MATN2: variants seen among roughly 807,000 people sequenced by gnomAD.
The protein encoded by MATN2 is matrilin-2.
In MATN2, 69 loss-of-function variants were observed where a neutral mutation model predicts 103.2. The ratio of observed to expected loss-of-function variants is 0.67; its 90% CI spans 0.55 to 0.82. MATN2 has a LOEUF of 0.82. MATN2 is among the 40% of genes least tolerant of loss of function. The probability of loss-of-function intolerance (pLI) is 0.00; values close to 1 mark genes in which losing one functional copy is unlikely to be tolerated. For missense variants in MATN2, 1,023 were observed against 1,211.5 expected, an observed-to-expected ratio of 0.84 and a Z score of 2.31; for synonymous variants, 429 against 450.2, an observed-to-expected ratio of 0.95 and a Z score of 0.60.
intron 4 of MATN2, among the ~76,000 whole-genome samples, chr8:97,957,919 G>C (rs2444878): frequency 0.55 from 82,930 of 151,916 alleles, 22,972 homozygotes; most frequent in East Asian, 0.77. Flanking sequence ...TTCAAAGGTC[G>C]CTGCTGCTTC....
intron 1 of MATN2, among the ~76,000 whole-genome samples, chr8:97,872,895 A>T (rs906172298): frequency 3.3e-5 from 5 of 151,654 alleles, no homozygotes; most frequent in African/African-American, 1.2e-4. Flanking sequence ...CCCAGGTTCA[A>T]GTGTTCTCCT....
chr8:98,030,171 C>T (rs1392241402), intron 14 of MATN2, among the ~76,000 whole-genome samples: 2 of 152,170 alleles, frequency 1.3e-5, no homozygotes, highest in Admixed American at 1.3e-4. Flanking sequence ...ATCCAGAAGG[C>T]TAATTCAGGG....
intron 1 of MATN2, among the ~76,000 whole-genome samples, chr8:97,879,963 A>G (rs1037326804): frequency 6.6e-6 from 1 of 152,174 alleles, no homozygotes; most frequent in African/African-American, 2.4e-5. Flanking sequence ...CCAGTATTGT[A>G]TGATTCTCTG....
intron 10 of MATN2, among the ~76,000 whole-genome samples, chr8:98,009,173 T>C (rs1388229382): frequency 6.6e-6 from 1 of 152,212 alleles, no homozygotes; most frequent in Admixed American, 6.5e-5. Context: ...TCAGGAACCG[T>C]ATAGGAGAGA....
chr8:97,971,035 T>G (rs966161289), intron 5 of MATN2, among the ~76,000 whole-genome samples: 5 of 149,878 alleles, frequency 3.3e-5, no homozygotes, highest in African/African-American at 9.8e-5. Context: ...TAGGGAGGAG[T>G]ATGGAAGAGG....
rs930744738 is a variant in MATN2 at position 97,966,392 on chromosome 8, CAA to C, written c.958+4868_958+4869del. ...GCAACAAAGCAAGACCCTATATCTA[CAA>C]AAAAATTAAGAAATTAGCTGGGTAT... is the stretch of plus-strand genomic sequence containing the variant. On this transcript the variant is annotated intron_variant, in intron 5 of 18. Transcript: ENST00000254898. Among the ~76,000 whole-genome samples, 16 of 151,004 alleles carry C rather than the reference CAA, an allele frequency of 1.1e-4. 1 individual carries two copies. In the South Asian group the frequency reaches 1.5e-3, roughly 14 times the overall value.
intron 5 of MATN2, among the ~76,000 whole-genome samples, chr8:97,971,176 G>T (rs1811642464): frequency 6.6e-6 from 1 of 152,084 alleles, no homozygotes; most frequent in African/African-American, 2.4e-5. Context: ...CTGACGGTTT[G>T]GTTCTTGAGA....
intron 6 of MATN2, among the ~76,000 whole-genome samples, chr8:97,994,153 G>C (rs900673817): frequency 3.0e-5 from 4 of 134,324 alleles, no homozygotes; most frequent in Non-Finnish European, 6.2e-5. Context: ...AGGAAAGAAA[G>C]AAAGAAAAGA....
intron 15 of MATN2, chr8:98,031,643 A>C (rs1185892903): frequency 6.6e-6 from 1 of 152,286 alleles, no homozygotes; most frequent in African/African-American, 2.4e-5. Flanking sequence ...ACTTGTTTAC[A>C]GAATATCAGA....
chr8:97,888,398 G>C (rs118059924), intron 2 of MATN2, among the ~76,000 whole-genome samples, 156 bp downstream of exon 2: 1 of 152,142 alleles, frequency 6.6e-6, no homozygotes, highest in Non-Finnish European at 1.5e-5. Context: ...GAATGCATCC[G>C]GAGTTGAGCA....
chr8:97,905,819 C>T (rs116397743), intron 2 of MATN2, among the ~76,000 whole-genome samples: 2,323 of 152,224 alleles, frequency 0.015, 65 homozygotes, highest in African/African-American at 0.053. Flanking sequence ...CACACCATGC[C>T]TGGCTAATTT....
chr8:97,969,667 G>A (rs941407414), intron 5 of MATN2, among the ~76,000 whole-genome samples: 1 of 152,194 alleles, frequency 6.6e-6, no homozygotes, highest in Non-Finnish European at 1.5e-5. Flanking sequence ...TCTTGGCCAG[G>A]TCAATATTAA....
At chr8:97,975,190 G>A (rs1201923406) in intron 5 of MATN2, among the ~76,000 whole-genome samples, 1 of 152,138 alleles carries the variant, frequency 6.6e-6, no homozygotes, top group African/African-American at 2.4e-5. Flanking sequence ...GCATGCCCTG[G>A]GTTATCAGGA....
At chr8:98,009,591 C>T (rs1331631556) in intron 10 of MATN2, among the ~76,000 whole-genome samples, 1 of 152,238 alleles carries the variant, frequency 6.6e-6, no homozygotes, top group Non-Finnish European at 1.5e-5. Context: ...GTGCCCCTAC[C>T]TCTTCAGGCA....
chr8:98,003,493 C>G, intron 7 of MATN2, 168 bp from the exon 8 acceptor site: 1 of 657,942 alleles, frequency 1.5e-6, no homozygotes, highest in Non-Finnish European at 2.6e-6. Flanking sequence ...TAGCTCAAGG[C>G]CTGGCACTTG....
intron 7 of MATN2, 41 bp from the exon 8 acceptor site, chr8:98,003,620 G>C (rs1243634503): frequency 6.2e-7 from 1 of 1,611,914 alleles, no homozygotes; most frequent in African/African-American, 1.3e-5. Flanking sequence ...CCCTGGGAGA[G>C]GTCCAGAGTC....
At chr8:97,936,489 A>C (rs768718393) in intron 3 of MATN2, among the ~76,000 whole-genome samples, 9 of 152,000 alleles carry the variant, frequency 5.9e-5, no homozygotes, top group Non-Finnish European at 8.8e-5. Flanking sequence ...GGCTGGACTG[A>C]CTTCACAAAC....
In MATN2 at chr8:97,931,497, C is replaced by T. The variant is rs753863112; in HGVS notation, c.687C>T (p.Thr229=). 4 of 1,609,960 alleles carry T rather than the reference C, an allele frequency of 2.5e-6. No individual in the cohort carries two copies. The highest frequency in any genetic ancestry group is 1.1e-5 in the South Asian group (1 of 90,530). Residue 229 remains threonine (T), a synonymous_variant, in exon 3 of 19, where the codon ACC becomes ACT. Transcript: ENST00000254898. This position sits in a 1 kb window ranked among gnomAD's most constrained non-coding sequence, Gnocchi z 4.1. ...VANFSQIETL[T]SVFQKKLCTA... ...ATTTCAGCCAGATTGAGACGCTGAC[C>T]TCCGTGTTCCAGAAGAAGTTGTGCA... is the stretch of plus-strand genomic sequence containing the variant.
chr8:98,027,483 T>C lies in MATN2; in HGVS notation c.2010T>C (p.Asn670=). 1 of 1,613,866 alleles carries C rather than the reference T, an allele frequency of 6.2e-7. No homozygotes were observed. The highest frequency in any genetic ancestry group is 8.5e-7 in the Non-Finnish European group (1 of 1,179,848). The change falls in exon 14 of 19, where the codon AAT becomes AAC. Residue 670 remains asparagine, a synonymous_variant. Transcript: ENST00000254898. ...GATCCAAGAGTCTTGGAGAAGAGAA[T>C]TTTGAGGTCGTGAAGCAGTTTGTCA... The part of the protein sequence containing the change: ...IDGSKSLGEE[N]FEVVKQFVTG...
Sources: allele counts gnomAD v4.1 joint callset (sites outside exome capture counted in the v4.1 genomes callset), GRCh38; gene constraint gnomAD v4.1.1; non-coding constraint Gnocchi (gnomAD v3.1); transcripts MANE v1.5; gene names NCBI Gene and HGNC (gene_info 2026-07-23, HGNC 2026-07-21).